Variants in TTC21A observed in about 807,000 individuals in gnomAD.
TTC21A encodes the protein tetratricopeptide repeat domain 21A.
In TTC21A, 128 loss-of-function variants were observed where a neutral mutation model predicts 156.4. The ratio of observed to expected loss-of-function variants is 0.82; its 90% confidence interval spans 0.71 to 0.95. The LOEUF is 0.95. TTC21A is among the 40% of genes least tolerant of loss of function. The pLI, the probability that TTC21A is intolerant of heterozygous loss-of-function variation, is 0.00. For missense variants in TTC21A, 1,435 were observed against 1,602.3 expected, an observed-to-expected ratio of 0.90 and a Z score of 1.78; for synonymous variants, 587 against 617.1, an observed-to-expected ratio of 0.95 and a Z score of 0.72.
In TTC21A at chr3:39,126,296, TAAAC is replaced by T. The variant is rs2038234683; in HGVS notation, c.1431_1434del (p.Gln478SerfsTer3). 1.1e-5 allele frequency: 17 copies of T among 1,614,088 alleles called. No homozygotes were observed. The highest frequency in any genetic ancestry group is 1.4e-5 in the Non-Finnish European group (16 of 1,180,002). On this transcript the variant is annotated frameshift_variant, in exon 12 of 29. Coordinates refer to ENST00000683103, the MANE Select transcript of TTC21A (RefSeq NM_001366900.1). LOFTEE classifies it high-confidence loss of function. Reference sequence around the variant, plus strand: ...CAGGCCAGATCGTGTCTCCACTTCTTAAACAAGTCGCCGTGATCTTGAATCCTGT... The same window carrying T: ...CAGGCCAGATCGTGTCTCCACTTCTTAAGTCGCCGTGATCTTGAATCCTGT...
intron 19 of TTC21A, 145 bp from the exon 20 acceptor site, chr3:39,132,907 G>T (rs1489827241): frequency 1.3e-6 from 1 of 787,630 alleles, no homozygotes; most frequent in Non-Finnish European, 2.1e-6. Context: ...CAGTGGCTTT[G>T]CCTATTCAGA....
At position 39,136,942 on chromosome 3, in the gene TTC21A, G is replaced by A; in HGVS notation, c.3139G>A (p.Ala1047Thr). The A allele has an allele frequency of 6.2e-7, 1 of 1,614,244 alleles. No individual in the cohort carries two copies. Among genetic ancestry groups the A allele is most frequent in the South Asian group, 1.1e-5 (1 of 91,086 alleles). The stretch of plus-strand genomic sequence containing the variant: ...CGAAGCCTTAAAGTTCCTGAACAAG[G>A]CACGCAAGGACAGCACTTGGGGCCA... ...PNEALKFLNK[A>T]RKDSTWGQSA... is the part of the protein sequence containing the mutation. The change falls in exon 24 of 29, where the codon GCA (alanine) becomes ACA (threonine). Residue 1047 changes from alanine to threonine, a missense_variant. By Grantham distance (58) the Ala-to-Thr change is moderately conservative (BLOSUM62 0). Transcript: ENST00000683103.
intron 1 of TTC21A, 162 bp downstream of exon 1, chr3:39,108,026 C>T: frequency 3.7e-6 from 3 of 818,128 alleles, no homozygotes; most frequent in Non-Finnish European, 3.8e-6. Context: ...GCGTCTTCTC[C>T]GGTGGCTTCT....
rs911128334 is a variant in TTC21A, at chr3:39,110,985, C to A, written c.403C>A (p.Arg135Ser). 4 of 1,612,308 alleles carry A rather than the reference C, an allele frequency of 2.5e-6. No homozygotes were observed. The highest frequency in any genetic ancestry group is 3.4e-6 in the Non-Finnish European group (4 of 1,178,988). Reference sequence around the variant, plus strand: ...TGACAAGGCCAAAGAGTACATTGACCGCATGCTGAAGATTTCTAGAGGCTT... The same window carrying A: ...TGACAAGGCCAAAGAGTACATTGACAGCATGCTGAAGATTTCTAGAGGCTT... ...RHDKAKEYID[R>S]MLKISRGFRE... Residue 135 changes from arginine (R) to serine (S), a missense_variant, in exon 4 of 29, where the codon CGC becomes AGC. By Grantham distance (110) the Arg-to-Ser change is moderately radical. Transcript: ENST00000683103.
Position 39,109,169 on chromosome 3 carries a change from G to T in TTC21A, c.112G>T (p.Asp38Tyr), listed in dbSNP as rs1015679757. 1 of 1,613,994 alleles carries T rather than the reference G, an allele frequency of 6.2e-7. No individual in the cohort carries two copies. The highest frequency in any genetic ancestry group is 1.3e-5 in the African/African-American group (1 of 74,930). Residue 38 changes from aspartate (D) to tyrosine (Y), a missense_variant, in exon 2 of 29, where the codon GAC becomes TAC. Physicochemically the swap from Asp to Tyr is radical, Grantham distance 160 (BLOSUM62 -3). Transcript: ENST00000683103. ...TGTGGGCCTGGAAAAATTCAGCAAT[G>T]ACCCTGTGTTGAAGTTCTTTAAAGC... ...AAVGLEKFSN[D>Y]PVLKFFKAYG... is the part of the protein sequence containing the mutation.
At chr3:39,118,033 T>C in intron 6 of TTC21A, 36 bp from the exon 7 acceptor site, 1 of 1,496,410 alleles carries the variant, frequency 6.7e-7, no homozygotes, top group African/African-American at 1.4e-5. Flanking sequence ...TGCCTATCAA[T>C]ACTCTCAATT....
chr3:39,130,625 C>G lies in TTC21A; in HGVS notation c.2320-76C>G. 1 of 1,568,148 alleles carries G rather than the reference C, an allele frequency of 6.4e-7. No individual in the cohort carries two copies. Among genetic ancestry groups the G allele is most frequent in the Non-Finnish European group, 8.7e-7 (1 of 1,148,154 alleles). Reference sequence around the variant, plus strand: ...CTGGAGGGGCACACTGGTGTGATGGCTGCTGAGGGGAACATGGTGTCGGGC... The same window carrying G: ...CTGGAGGGGCACACTGGTGTGATGGGTGCTGAGGGGAACATGGTGTCGGGC... On this transcript the variant is annotated intron_variant, in intron 17 of 28. Coordinates refer to ENST00000683103, the MANE Select transcript of TTC21A (RefSeq NM_001366900.1). The surrounding 1 kb of genome is among the most constrained non-coding windows in gnomAD (Gnocchi z 4.5).
chr3:39,107,721 C>G lies in TTC21A; in HGVS notation c.-117C>G. The G allele has an allele frequency of 6.7e-7, 1 of 1,481,978 alleles. No individual in the cohort carries two copies. Among genetic ancestry groups the G allele is most frequent in the South Asian group, 1.1e-5 (1 of 87,894 alleles). 91.8% of individuals were successfully genotyped at this position (1,481,978 alleles called of 1,614,324 possible). On this transcript the variant is annotated 5_prime_UTR_variant, in exon 1 of 29. Transcript: ENST00000683103. Reference sequence around the variant, plus strand: ...TAGCAACCGGCTAGCAGCTCGGTTTCCAAGGACTGTAACGCCTTCAACCGC... The same window carrying G: ...TAGCAACCGGCTAGCAGCTCGGTTTGCAAGGACTGTAACGCCTTCAACCGC...
In TTC21A at chr3:39,130,283, T is replaced by G; in HGVS notation, c.2244T>G (p.Tyr748Ter). 1.2e-6 allele frequency: 2 copies of G among 1,614,006 alleles called. No individual in the cohort carries two copies. Among genetic ancestry groups the G allele is most frequent in the Non-Finnish European group, 1.7e-6 (2 of 1,179,954 alleles). The change falls in exon 17 of 29, where the codon TAT becomes TAG. Residue 748 changes from tyrosine to a stop codon, truncating the protein, a stop_gained. Transcript: ENST00000683103. LOFTEE classifies it high-confidence loss of function. The surrounding 1 kb of genome is among the most constrained non-coding windows in gnomAD (Gnocchi z 4.5). ...EKALEVYDEA[Y>*]RQNPHDASLA... Reference sequence around the variant, plus strand: ...CCCTGGAGGTCTATGATGAGGCCTATAGACAGAACCCACATGACGCCTCCC... The same window carrying G: ...CCCTGGAGGTCTATGATGAGGCCTAGAGACAGAACCCACATGACGCCTCCC...
In TTC21A at chr3:39,136,384, T is replaced by C. The variant is rs377180155; in HGVS notation, c.2972T>C (p.Ile991Thr). The change falls in exon 23 of 29, where the codon ATC becomes ACC. Residue 991 changes from isoleucine (I) to threonine (T), a missense_variant. Transcript: ENST00000683103. ...PDNFLVLHKLIDLLRRSGKLE... is the reference protein window; with the variant it reads ...PDNFLVLHKLTDLLRRSGKLE... ...AATTTTTTGGTATTGCATAAATTAA[T>C]CGATCTGCTAAGAAGAAGTGGAAAA... is the stretch of plus-strand genomic sequence containing the variant. 2.1e-5 allele frequency: 34 copies of C among 1,613,366 alleles called. No individual in the cohort carries two copies. In the African/African-American group the frequency reaches 3.3e-4, roughly 16 times the overall value.
chr3:39,135,205 A>G, intron 22 of TTC21A, 31 bp downstream of exon 22: 2 of 1,591,174 alleles, frequency 1.3e-6, no homozygotes, highest in South Asian at 1.1e-5. Context: ...TGCCTGTACC[A>G]GTTCCCACTG....
intron 7 of TTC21A, chr3:39,118,702 A>T (rs2037498478): frequency 6.5e-6 from 1 of 154,100 alleles, no homozygotes. Flanking sequence ...ATAGCCCTCA[A>T]ATGCAGTCAG....
At chr3:39,128,280 C>A in intron 12 of TTC21A, 51 bp from the exon 13 acceptor site, 1 of 1,592,078 alleles carries the variant, frequency 6.3e-7, no homozygotes, top group Non-Finnish European at 8.6e-7. Flanking sequence ...CATATCAGGT[C>A]TTAGGAGCCC....
At chr3:39,127,133 G>A (rs1388071572) in intron 12 of TTC21A, among the ~76,000 whole-genome samples, 1 of 152,154 alleles carries the variant, frequency 6.6e-6, no homozygotes, top group Non-Finnish European at 1.5e-5. Flanking sequence ...AAGGGAAGGA[G>A]AGGGAAACTC....
At position 39,107,819 on chromosome 3, in the gene TTC21A, GA is replaced by G; in HGVS notation, c.-18del. On this transcript the variant is annotated 5_prime_UTR_variant, in exon 1 of 29. Coordinates refer to ENST00000683103, the MANE Select transcript of TTC21A (RefSeq NM_001366900.1). ...CACCGCCCCACCAGACCCGGACTCG[GA>G]GCCGCGAGCGGCCCGAGATGAGCAG... 1.2e-5 allele frequency: 19 copies of G among 1,612,588 alleles called. No individual in the cohort carries two copies. Among genetic ancestry groups the G allele is most frequent in the Non-Finnish European group, 1.5e-5 (18 of 1,179,994 alleles).
Position 39,137,072 on chromosome 3 carries a change from T to C in TTC21A, c.3257+12T>C, listed in dbSNP as rs777269158. 6.2e-7 allele frequency: 1 copy of C among 1,612,672 alleles called. No homozygotes were observed. Among genetic ancestry groups the C allele is most frequent in the Non-Finnish European group, 8.5e-7 (1 of 1,179,298 alleles). ...GGAGCTGAGAGCAAGTAAGGGCCCA[T>C]GGAGGCAGGGGCGGAACCCTGGGGA... On this transcript the variant is annotated intron_variant, in intron 24 of 28. Coordinates refer to ENST00000683103, the MANE Select transcript of TTC21A (RefSeq NM_001366900.1).
chr3:39,114,803 TG>T, intron 6 of TTC21A, 61 bp downstream of exon 6: 2 of 1,591,562 alleles, frequency 1.3e-6, no homozygotes, highest in South Asian at 1.1e-5. Flanking sequence ...TCTTATAAGC[TG>T]GGGAGGCAGG....
intron 27 of TTC21A, 65 bp from the exon 28 acceptor site, chr3:39,138,491 T>C (rs1041440107): frequency 5.0e-6 from 8 of 1,613,812 alleles, no homozygotes; most frequent in Admixed American, 1.7e-5. Flanking sequence ...CTGGCTGTTA[T>C]GAGAACCAGA....
In TTC21A at chr3:39,130,465, T is replaced by C. The variant is rs2038639805; in HGVS notation, c.2319+107T>C. 1 of 1,007,778 alleles carries C rather than the reference T, an allele frequency of 9.9e-7. No homozygotes were observed. The highest frequency in any genetic ancestry group is 2.5e-5 in the East Asian group (1 of 39,608). 62.4% of individuals were successfully genotyped at this position (1,007,778 alleles called of 1,614,324 possible). ...CTGGGTGGGAGGAGAGTGGCTGACT[T>C]TTCACTCAGCTCCTTGCTGAATGGG... On this transcript the variant is annotated intron_variant, in intron 17 of 28. Coordinates refer to ENST00000683103, the MANE Select transcript of TTC21A (RefSeq NM_001366900.1). This position sits in a 1 kb window ranked among gnomAD's most constrained non-coding sequence, Gnocchi z 4.5.
Sources: allele counts gnomAD v4.1 joint callset (sites outside exome capture counted in the v4.1 genomes callset), GRCh38; gene constraint gnomAD v4.1.1; non-coding constraint Gnocchi (gnomAD v3.1); transcripts MANE v1.5; gene names NCBI Gene and HGNC (gene_info 2026-07-23, HGNC 2026-07-21).